B9D1: variants seen among roughly 807,000 people sequenced by gnomAD.
The protein encoded by B9D1 is B9 domain-containing protein 1.
In B9D1, 20 loss-of-function variants were observed where a neutral mutation model predicts 26.1. The ratio of observed to expected loss-of-function variants is 0.77; its 90% CI spans 0.54 to 1.12. The LOEUF is 1.12. Ranked by LOEUF, B9D1 falls within the 50% of genes most tolerant of loss-of-function variation. The pLI, the probability that B9D1 is intolerant of heterozygous loss-of-function variation, is 0.00. For synonymous variants in B9D1, 105 were observed against 103.1 expected, an observed-to-expected ratio of 1.02 and a Z score of -0.11; for missense variants, 260 against 273.7, an observed-to-expected ratio of 0.95 and a Z score of 0.35.
intron 1 of B9D1, among the ~76,000 whole-genome samples, chr17:19,376,785 T>TTAAAA (rs1356660199): frequency 7.8e-6 from 1 of 128,366 alleles, no homozygotes; most frequent in Admixed American, 7.8e-5. Context: ...AGACTCACTC[T>TTAAAA]TCAAATAAAA....
At chr17:19,357,542 C>G in intron 3 of B9D1, 4 of 446,708 alleles carry the variant, frequency 9.0e-6, no homozygotes, top group South Asian at 8.3e-5. Context: ...CAAACAGCCA[C>G]AGTCCTGCAT....
Position 19,343,325 on chromosome 17 carries a change from G to A in B9D1, c.609C>T (p.Pro203=). The A allele has an allele frequency of 6.2e-7, 1 of 1,614,182 alleles. No homozygotes were observed. The highest frequency in any genetic ancestry group is 1.7e-4 in the Middle Eastern group (1 of 6,050). ...VLGPSPPQSF[P]Q is the part of the protein sequence containing the mutation. The stretch of plus-strand genomic sequence containing the variant: ...TGTGCAGCCTGTGGAGCCTTCACTG[G>A]GGGAAGCTCTGGGGTGGGCTGGGCC... Residue 203 remains proline, a synonymous_variant, in exon 7 of 7, where the codon CCC becomes CCT. Coordinates refer to ENST00000261499, the MANE Select transcript of B9D1 (RefSeq NM_015681.6).
rs556749399 is a variant in B9D1 at position 19,374,066 on chromosome 17, C to T, written c.-298+3793G>A. Among the ~76,000 whole-genome samples the T allele has an allele frequency of 6.6e-5, 10 of 152,338 alleles. No individual in the cohort carries two copies. The East Asian group carries it at 1.7e-3, about 26-fold the overall frequency. ...GTGAGTGGAGTATCTGTATATAACACATGAGATTGTCTTTGTTCCCACAAA... is the reference window on the plus strand; with the variant it reads ...GTGAGTGGAGTATCTGTATATAACATATGAGATTGTCTTTGTTCCCACAAA... On this transcript the variant is annotated intron_variant, in intron 1 of 5. Transcript: ENST00000477478.
In B9D1 at chr17:19,347,125, C is replaced by T. The variant is rs762574624; in HGVS notation, c.404+144G>A. The T allele has an allele frequency of 1.3e-6, 2 of 1,590,484 alleles. No individual in the cohort carries two copies. Among genetic ancestry groups the T allele is most frequent in the Non-Finnish European group, 8.6e-7 (1 of 1,168,104 alleles). ...AGGGAGCCCCGTGACTCAGCACTCCCAGGGGACCTGTTTCTATTTGTCCTC... is the reference window on the plus strand; with the variant it reads ...AGGGAGCCCCGTGACTCAGCACTCCTAGGGGACCTGTTTCTATTTGTCCTC... On this transcript the variant is annotated intron_variant, in intron 5 of 6. Coordinates refer to ENST00000261499, the MANE Select transcript of B9D1 (RefSeq NM_015681.6). The surrounding 1 kb of genome is among the most constrained non-coding windows in gnomAD (Gnocchi z 4.3).
At chr17:19,377,752 C>T (rs1912217207) in intron 1 of B9D1, 2 of 860,416 alleles carry the variant, frequency 2.3e-6, no homozygotes, top group Admixed American at 6.2e-5. Context: ...CTCCGCCCAC[C>T]CGCGGGCTCC....
At chr17:19,340,093 A>G (rs1048756445), downstream of B9D1, among the ~76,000 whole-genome samples, 1 of 142,218 alleles carries the variant, frequency 7.0e-6, no homozygotes, top group African/African-American at 2.7e-5. Flanking sequence ...ATCTCACTGC[A>G]TCATCTCTTA....
chr17:19,362,822 A>C, upstream of B9D1: 1 of 1,105,720 alleles, frequency 9.0e-7, no homozygotes, highest in East Asian at 3.0e-5. Flanking sequence ...TATGACCGAG[A>C]GCTGGGGCGG....
intron 3 of B9D1, among the ~76,000 whole-genome samples, chr17:19,351,379 T>G (rs2152267032): frequency 6.6e-6 from 1 of 152,312 alleles, no homozygotes; most frequent in Non-Finnish European, 1.5e-5. Flanking sequence ...GAATATTTCA[T>G]TTAGGAGTTT....
intron 1 of B9D1, among the ~76,000 whole-genome samples, chr17:19,371,920 T>C (rs1291359769): frequency 6.6e-6 from 1 of 152,134 alleles, no homozygotes; most frequent in Non-Finnish European, 1.5e-5. Flanking sequence ...ACACACTGGG[T>C]GACTGAACCG....
chr17:19,344,474 G>C (rs537125343), intron 5 of B9D1: 1 of 272,038 alleles, frequency 3.7e-6, no homozygotes, highest in African/African-American at 2.4e-5. Flanking sequence ...TGGGCCAGGC[G>C]GGAGGCCAGG....
intron 2 of B9D1, among the ~76,000 whole-genome samples, chr17:19,358,631 G>A (rs1205650409): frequency 6.6e-6 from 1 of 152,138 alleles, no homozygotes; most frequent in Non-Finnish European, 1.5e-5. Flanking sequence ...TCTTCCCTTG[G>A]CTTCTGGGTC....
rs1220043104 is a variant in B9D1, at chr17:19,362,687, C to T, written c.-118G>A. On this transcript the variant is annotated 5_prime_UTR_variant, in exon 1 of 7. In the 5' UTR this introduces an upstream ATG that the reference lacks. Transcript: ENST00000261499. ...CAGGACACGTTTCTTGGCAGCGACACCTTCGCGAAGGCCACGCGAGTGCGC... is the reference window on the plus strand; with the variant it reads ...CAGGACACGTTTCTTGGCAGCGACATCTTCGCGAAGGCCACGCGAGTGCGC... 6.5e-7 allele frequency: 1 copy of T among 1,540,090 alleles called. No individual in the cohort carries two copies. Among genetic ancestry groups the T allele is most frequent in the South Asian group, 1.2e-5 (1 of 83,842 alleles).
chr17:19,342,128 G>A (rs1908036569), downstream of B9D1, among the ~76,000 whole-genome samples: 1 of 152,176 alleles, frequency 6.6e-6, no homozygotes, highest in South Asian at 2.1e-4. Flanking sequence ...TAGGCTCACC[G>A]CACATGGGGA....
chr17:19,335,408 T>G (rs1220003933), downstream of B9D1: 1 of 1,550,010 alleles, frequency 6.5e-7, no homozygotes, highest in African/African-American at 1.4e-5. Flanking sequence ...ATTAAAGGCA[T>G]GCAGGGATTA....
At chr17:19,337,657 G>A (rs1000940952), downstream of B9D1, 7 of 1,492,872 alleles carry the variant, frequency 4.7e-6, no homozygotes, top group East Asian at 2.5e-5. Flanking sequence ...GCGGCTTCCC[G>A]CGGAAGTTTC....
chr17:19,342,079 TGAG>T (rs1279854351), downstream of B9D1, among the ~76,000 whole-genome samples: 1 of 151,600 alleles, frequency 6.6e-6, no homozygotes, highest in Non-Finnish European at 1.5e-5. Context: ...CTGTTCCAAG[TGAG>T]GAGGTTGAGG....
intron 5 of B9D1, among the ~76,000 whole-genome samples, chr17:19,344,326 G>T (rs1394173826): frequency 6.6e-6 from 1 of 152,190 alleles, no homozygotes; most frequent in African/African-American, 2.4e-5. Context: ...GGGCCAGAAC[G>T]GCTCCTCAGC....
In B9D1 at chr17:19,343,282, C is replaced by T; in HGVS notation, c.*37G>A. 6.2e-7 allele frequency: 1 copy of T among 1,613,512 alleles called. No homozygotes were observed. The highest frequency in any genetic ancestry group is 8.5e-7 in the Non-Finnish European group (1 of 1,179,894). On this transcript the variant is annotated 3_prime_UTR_variant, in exon 7 of 7. Coordinates refer to ENST00000261499, the MANE Select transcript of B9D1 (RefSeq NM_015681.6). ...GCAGCGGCTGACTTCGGGAAGGCAG[C>T]CCTTCATTATCAGAGACTGTGCAGC...
chr17:19,366,183 G>A (rs1911583649), upstream of B9D1, among the ~76,000 whole-genome samples: 1 of 151,936 alleles, frequency 6.6e-6, no homozygotes, highest in Non-Finnish European at 1.5e-5. Context: ...CTCTAAGGAA[G>A]CTGGGCCTCC....
Sources: allele counts gnomAD v4.1 joint callset (sites outside exome capture counted in the v4.1 genomes callset), GRCh38; gene constraint gnomAD v4.1.1; non-coding constraint Gnocchi (gnomAD v3.1); transcripts MANE v1.5; gene names NCBI Gene and HGNC (gene_info 2026-07-23, HGNC 2026-07-21).